CAMTA1: variants seen among roughly 807,000 people sequenced by gnomAD.
CAMTA1 encodes the protein calmodulin binding transcription activator 1, also known as calmodulin-binding transcription activator 1.
In CAMTA1, 27 loss-of-function variants were observed where a neutral mutation model predicts 170.9. The observed-to-expected ratio is 0.16, with a 90% CI of 0.12 to 0.22. The LOEUF (loss-of-function observed/expected upper bound fraction) is 0.22. Among genes scored for constraint, CAMTA1 ranks in the 10% least tolerant of loss-of-function variants. CAMTA1 has a pLI of 1.00. For missense variants in CAMTA1, 1,619 were observed against 2,217.2 expected (o/e 0.73, Z 5.42); for synonymous variants, 833 against 891.5 (o/e 0.93, Z 1.17).
At chr1:7,263,067 G>T (rs1313005593) in intron 5 of CAMTA1, among the ~76,000 whole-genome samples, 1 of 152,128 alleles carries the variant, frequency 6.6e-6, no homozygotes. Context: ...GAAACGAGAT[G>T]CGACACGGTA....
intron 4 of CAMTA1, among the ~76,000 whole-genome samples, chr1:7,160,092 T>C (rs140319605): frequency 0.029 from 4,441 of 152,022 alleles, 214 homozygotes; most frequent in African/African-American, 0.1. Flanking sequence ...TCTACTAAAA[T>C]ACAAAAATTA....
intron 6 of CAMTA1, among the ~76,000 whole-genome samples, chr1:7,489,655 GAA>G (rs765383040): frequency 4.1e-4 from 63 of 152,298 alleles, no homozygotes; most frequent in Middle Eastern, 3.4e-3. Context: ...GCATTGCGCA[GAA>G]TTTATCCATT....
rs909516037 is a variant in CAMTA1 at position 6,868,319 on chromosome 1, A to AAAAC, written c.234+43112_234+43113insCAAA. Among the ~76,000 whole-genome samples the AAAAC allele has an allele frequency of 3.4e-3, 482 of 140,580 alleles. 2 individuals carry two copies. The highest frequency in any genetic ancestry group is 0.012 in the African/African-American group (436 of 37,712). The allele number at this position is 140,580 out of a possible 152,430, so 92.2% of individuals were successfully genotyped here. A position where few individuals can be genotyped will look rare whatever the true frequency, so the allele number is the denominator to read the frequency against. ...GCGAGACTCTTTTTTTTTTTTTTTT[A>AAAAC]AAAACAAAACAAAACAAAACAAAAC... On this transcript the variant is annotated intron_variant, in intron 3 of 22. Transcript: ENST00000303635.
chr1:6,961,861 T>C (rs1690472965), intron 3 of CAMTA1, among the ~76,000 whole-genome samples: 1 of 152,216 alleles, frequency 6.6e-6, no homozygotes, highest in Non-Finnish European at 1.5e-5. Context: ...TCTGGCTGGG[T>C]GTCCCTGGGA....
chr1:7,666,289 C>T (rs1461493014), intron 9 of CAMTA1, among the ~76,000 whole-genome samples: 2 of 152,136 alleles, frequency 1.3e-5, no homozygotes, highest in Non-Finnish European at 2.9e-5. Flanking sequence ...CTGAACAGGG[C>T]ACAGCTTCTG....
intron 6 of CAMTA1, among the ~76,000 whole-genome samples, chr1:7,620,833 A>G (rs2150763155): frequency 6.6e-6 from 1 of 152,328 alleles, no homozygotes; most frequent in Admixed American, 6.5e-5. Flanking sequence ...AACAAAGACC[A>G]TTCAAGAGTG....
At chr1:6,986,758 G>A (rs1049567570) in intron 3 of CAMTA1, among the ~76,000 whole-genome samples, 4 of 152,092 alleles carry the variant, frequency 2.6e-5, no homozygotes, top group South Asian at 2.1e-4. Context: ...TACCAAGTGG[G>A]TTAGAAGGGT....
intron 4 of CAMTA1, among the ~76,000 whole-genome samples, chr1:7,176,749 C>T (rs1187087283): frequency 1.3e-5 from 2 of 152,160 alleles, no homozygotes; most frequent in Non-Finnish European, 2.9e-5. Flanking sequence ...TATAGTAAAG[C>T]AATGACAATG....
At chr1:7,167,304 T>G (rs1648683990) in intron 4 of CAMTA1, among the ~76,000 whole-genome samples, 1 of 152,120 alleles carries the variant, frequency 6.6e-6, no homozygotes, top group African/African-American at 2.4e-5. Flanking sequence ...TGGAAAGAGG[T>G]GTCCCATGCA....
At chr1:7,576,152 G>T (rs140878033) in intron 6 of CAMTA1, among the ~76,000 whole-genome samples, 1,989 of 152,206 alleles carry the variant, frequency 0.013, 20 homozygotes, top group Non-Finnish European at 0.022. Context: ...GGGATTACAG[G>T]TGCCCACCAC....
chr1:6,983,503 T>G (rs1694783693), intron 3 of CAMTA1, among the ~76,000 whole-genome samples: 1 of 152,256 alleles, frequency 6.6e-6, no homozygotes, highest in South Asian at 2.1e-4. Context: ...CTATATGCTT[T>G]TCCTTTGTAA....
intron 4 of CAMTA1, among the ~76,000 whole-genome samples, chr1:7,194,205 C>T (rs558279394): frequency 4.6e-5 from 7 of 152,276 alleles, no homozygotes; most frequent in Admixed American, 3.3e-4. Context: ...AATCCCCTAC[C>T]GTCCTCCTAT....
At chr1:7,755,927 C>T (rs147342497) in intron 22 of CAMTA1, among the ~76,000 whole-genome samples, 5 of 152,194 alleles carry the variant, frequency 3.3e-5, no homozygotes, top group East Asian at 3.9e-4. Flanking sequence ...CAGGGCATGC[C>T]GAGGATGCGG....
intron 4 of CAMTA1, among the ~76,000 whole-genome samples, chr1:7,163,167 ATGACTGGG>A (rs1401118773): frequency 1.3e-5 from 2 of 151,854 alleles, no homozygotes; most frequent in Non-Finnish European, 2.9e-5. Flanking sequence ...CAGCCCGAGA[ATGACTGGG>A]TGATAGTCCT....
At chr1:7,703,111 T>G (rs746567128) in intron 11 of CAMTA1, among the ~76,000 whole-genome samples, 1 of 152,192 alleles carries the variant, frequency 6.6e-6, no homozygotes, top group Non-Finnish European at 1.5e-5. Flanking sequence ...ACTCACTCAC[T>G]GTGTACTGCA....
chr1:7,309,578 C>A (rs532843896), intron 5 of CAMTA1, among the ~76,000 whole-genome samples: 2 of 151,996 alleles, frequency 1.3e-5, no homozygotes, highest in Non-Finnish European at 2.9e-5. Context: ...GGATTACAGG[C>A]GTGAGCCGCC....
rs570530900 is a variant in CAMTA1 at position 7,601,060 on chromosome 1, C to T, written c.511-39340C>T. ...CTCCTCACTTCCCGGTAGGGGCGGC[C>T]GGGCAGAGGTGCCCCTCACCTCCCG... On this transcript the variant is annotated intron_variant, in intron 6 of 22. Transcript: ENST00000303635. Among the ~76,000 whole-genome samples the T allele has an allele frequency of 6.6e-3, 1,007 of 151,666 alleles. 13 individuals carry two copies. The highest frequency in any genetic ancestry group is 0.023 in the African/African-American group (936 of 41,344).
At chr1:6,785,993 G>C (rs2147946696) in intron 1 of CAMTA1, among the ~76,000 whole-genome samples, 1 of 151,348 alleles carries the variant, frequency 6.6e-6, no homozygotes, top group South Asian at 2.1e-4. Context: ...GGGGCGGAAA[G>C]TTTATCCGCC....
At chr1:6,850,702 A>C (rs1036606507) in intron 3 of CAMTA1, among the ~76,000 whole-genome samples, 1 of 152,376 alleles carries the variant, frequency 6.6e-6, no homozygotes, top group East Asian at 1.9e-4. Context: ...CAGCATTTGC[A>C]GTCATTTCTT....
Sources: gnomAD v4.1 joint callset for allele counts (sites outside exome capture counted in the v4.1 genomes callset) on GRCh38, gnomAD v4.1.1 for gene constraint, MANE v1.5 for transcripts, NCBI Gene and HGNC (gene_info 2026-07-23, HGNC 2026-07-21) for gene names.